Variants in SPMIP7 observed in about 807,000 individuals in gnomAD.
SPMIP7 encodes sperm microtubule inner protein 7.
the SPMIP7 span, among the ~76,000 whole-genome samples, chr7:50,118,346 T>C: frequency 6.6e-6 from 1 of 152,226 alleles, no homozygotes; most frequent in African/African-American, 2.4e-5. Context: ...ATCCAAATTA[T>C]GAACAAATAC....
chr7:50,148,482 G>A, the SPMIP7 span, among the ~76,000 whole-genome samples: 2 of 152,134 alleles, frequency 1.3e-5, no homozygotes, highest in East Asian at 1.9e-4. Flanking sequence ...TGACTTTAGA[G>A]GCATTTTAAT....
chr7:50,126,377 C>CTG, the SPMIP7 span, among the ~76,000 whole-genome samples: 2 of 142,188 alleles, frequency 1.4e-5, no homozygotes, highest in African/African-American at 5.2e-5. Flanking sequence ...GCATATATAT[C>CTG]TGTTTTTTTT....
chr7:50,105,457 C>T, the SPMIP7 span, among the ~76,000 whole-genome samples: 2 of 152,138 alleles, frequency 1.3e-5, no homozygotes, highest in Non-Finnish European at 2.9e-5. Context: ...CTGTATAGTG[C>T]CATGTTGATT....
chr7:50,152,393 G>T, the SPMIP7 span, among the ~76,000 whole-genome samples: 2 of 152,066 alleles, frequency 1.3e-5, no homozygotes, highest in African/African-American at 2.4e-5. Flanking sequence ...GGTTACTGAA[G>T]ATTCCTTTAT....
chr7:50,153,610 G>A, the SPMIP7 span, among the ~76,000 whole-genome samples: 42 of 152,292 alleles, frequency 2.8e-4, 1 homozygote, highest in Admixed American at 2.1e-3. Flanking sequence ...TCATGTCACG[G>A]TCCCAGGAAC....
the SPMIP7 span, among the ~76,000 whole-genome samples, chr7:50,152,724 T>C: frequency 2.7e-5 from 4 of 150,362 alleles, no homozygotes; most frequent in Admixed American, 2.7e-4. Flanking sequence ...GAGTACTCTG[T>C]CACTCAGGCT....
chr7:50,128,699 A>G, the SPMIP7 span, among the ~76,000 whole-genome samples: 1 of 152,050 alleles, frequency 6.6e-6, no homozygotes, highest in South Asian at 2.1e-4. Flanking sequence ...ATTAAGAGAC[A>G]TGAACCACAG....
the SPMIP7 span, among the ~76,000 whole-genome samples, chr7:50,131,601 A>G: frequency 2.6e-5 from 4 of 152,156 alleles, no homozygotes; most frequent in Non-Finnish European, 4.4e-5. Context: ...TAAAAAAGAG[A>G]AAAAAAGAGG....
the SPMIP7 span, among the ~76,000 whole-genome samples, chr7:50,125,879 A>G: frequency 6.6e-6 from 1 of 152,138 alleles, no homozygotes. Flanking sequence ...TTTTAAGATG[A>G]ATTAGTTCTG....
At chr7:50,115,173 A>G in the SPMIP7 span, among the ~76,000 whole-genome samples, 1 of 152,224 alleles carries the variant, frequency 6.6e-6, no homozygotes, top group African/African-American at 2.4e-5. Flanking sequence ...AGCTGTAATA[A>G]CATCAGACAA....
chr7:50,104,392 A>T, the SPMIP7 span: 22 of 1,528,912 alleles, frequency 1.4e-5, no homozygotes, highest in Non-Finnish European at 1.9e-5. Context: ...TTTACATTTG[A>T]TGAGGAGGCA....
chr7:50,113,692 T>C, the SPMIP7 span, among the ~76,000 whole-genome samples: 1 of 152,052 alleles, frequency 6.6e-6, no homozygotes, highest in Non-Finnish European at 1.5e-5. Flanking sequence ...GAACGGTATC[T>C]AGTAAGAAGT....
the SPMIP7 span, among the ~76,000 whole-genome samples, chr7:50,128,634 C>T: frequency 2.6e-5 from 4 of 151,646 alleles, no homozygotes; most frequent in East Asian, 1.9e-4. Flanking sequence ...CTATGAAAGC[C>T]GATAGTGGTA....
At chr7:50,113,499 G>A in the SPMIP7 span, among the ~76,000 whole-genome samples, 1 of 152,154 alleles carries the variant, frequency 6.6e-6, no homozygotes, top group East Asian at 1.9e-4. Context: ...GGGATGATAT[G>A]AAGATACAAA....
chr7:50,098,839 G>GGT, the SPMIP7 span, among the ~76,000 whole-genome samples: 5 of 4,822 alleles, frequency 1.0e-3, no homozygotes, highest in South Asian at 9.0e-3. Flanking sequence ...ACACGAATCT[G>GGT]GGGGGATACA....
the SPMIP7 span, among the ~76,000 whole-genome samples, chr7:50,119,005 G>T: frequency 1.3e-5 from 2 of 152,096 alleles, no homozygotes; most frequent in African/African-American, 4.8e-5. Flanking sequence ...ATGTCATAGT[G>T]TATTTTCACC....
At chr7:50,156,091 G>A in the SPMIP7 span, among the ~76,000 whole-genome samples, 2 of 152,116 alleles carry the variant, frequency 1.3e-5, no homozygotes, top group Non-Finnish European at 2.9e-5. Flanking sequence ...AGCATGGTGC[G>A]GAGGGGCAGG....
the SPMIP7 span, among the ~76,000 whole-genome samples, chr7:50,149,975 C>T: frequency 6.6e-6 from 1 of 152,148 alleles, no homozygotes; most frequent in Non-Finnish European, 1.5e-5. Flanking sequence ...CAGTCCAGAT[C>T]CCAGAGATGA....
the SPMIP7 span, chr7:50,141,617 C>T: frequency 7.4e-6 from 3 of 403,650 alleles, no homozygotes; most frequent in Admixed American, 3.5e-5. Flanking sequence ...TCAGTTTCTT[C>T]ATCTGAAACT....
Sources: gnomAD v4.1 joint callset for allele counts (sites outside exome capture counted in the v4.1 genomes callset) on GRCh38, gnomAD v4.1.1 for gene constraint, MANE v1.5 for transcripts, NCBI Gene and HGNC (gene_info 2026-07-23, HGNC 2026-07-21) for gene names.